The following KIAA0825 variants were observed in gnomAD, a reference collection of about 807,000 sequenced individuals.
KIAA0825 encodes the protein uncharacterized protein KIAA0825.
KIAA0825 carries 119 observed loss-of-function variants against 147.6 expected under a neutral mutation model. The observed-to-expected ratio is 0.81, with a 90% CI of 0.69 to 0.94. KIAA0825 has a LOEUF of 0.94. Among genes scored for constraint, KIAA0825 ranks in the 40% least tolerant of loss-of-function variants. The pLI is 0.00. For missense variants in KIAA0825, 1,381 were observed against 1,472.7 expected (o/e 0.94, Z 1.02); for synonymous variants, 470 against 518.1 (o/e 0.91, Z 1.26).
intron 20 of KIAA0825, among the ~76,000 whole-genome samples, chr5:94,288,373 A>T (rs940795449): frequency 6.6e-6 from 1 of 152,202 alleles, no homozygotes; most frequent in Non-Finnish European, 1.5e-5. Context: ...AAGGAAAAAA[A>T]ATTATAAAAA....
In KIAA0825 at chr5:94,473,411, G is replaced by GT. The variant is rs1377278396; in HGVS notation, c.1335dup (p.Gln446ThrfsTer5). 1 of 1,551,868 alleles carries GT rather than the reference G, an allele frequency of 6.4e-7. No individual in the cohort carries two copies. Among genetic ancestry groups the GT allele is most frequent in the Non-Finnish European group, 8.7e-7 (1 of 1,147,032 alleles). On this transcript the variant is annotated frameshift_variant, in exon 8 of 21. Transcript: ENST00000682413. LOFTEE classifies it high-confidence loss of function. ...GCTGAAGACCTTTCATTCTGTTCCT[G>GT]TTGGAGAATTTTTGTGGAAAAACCT...
At chr5:94,189,269 T>C (rs927642895) in intron 20 of KIAA0825, among the ~76,000 whole-genome samples, 1 of 152,200 alleles carries the variant, frequency 6.6e-6, no homozygotes, top group African/African-American at 2.4e-5. Context: ...TTAATCTTAA[T>C]GAGAGTCCAT....
intron 20 of KIAA0825, among the ~76,000 whole-genome samples, chr5:94,347,920 T>C (rs2150354113): frequency 6.6e-6 from 1 of 152,152 alleles, no homozygotes; most frequent in East Asian, 1.9e-4. Context: ...TGAGAAATAT[T>C]CAAGAAAATT....
intron 20 of KIAA0825, among the ~76,000 whole-genome samples, chr5:94,176,442 C>A (rs1012090322): frequency 2.0e-5 from 3 of 152,046 alleles, no homozygotes; most frequent in Non-Finnish European, 4.4e-5. Context: ...GTTGTAACAA[C>A]AGAAAACAGG....
chr5:94,185,481 T>C (rs1440560359), intron 20 of KIAA0825, among the ~76,000 whole-genome samples: 3 of 152,198 alleles, frequency 2.0e-5, no homozygotes, highest in Non-Finnish European at 4.4e-5. Context: ...TGTTTTTAGA[T>C]ACCCACTACA....
intron 5 of KIAA0825, among the ~76,000 whole-genome samples, chr5:94,496,999 C>T (rs944182426): frequency 3.9e-5 from 6 of 152,240 alleles, no homozygotes; most frequent in Non-Finnish European, 7.4e-5. Flanking sequence ...TTGAACGTGG[C>T]GCCTTCCCTA....
chr5:94,275,856 A>G (rs1001843617), intron 20 of KIAA0825, among the ~76,000 whole-genome samples: 3 of 152,128 alleles, frequency 2.0e-5, no homozygotes, highest in African/African-American at 7.2e-5. Context: ...AGCGTAAAAC[A>G]AAGTGCAGCT....
At chr5:94,354,767 A>C (rs1166222160) in intron 20 of KIAA0825, among the ~76,000 whole-genome samples, 48 of 152,240 alleles carry the variant, frequency 3.2e-4, no homozygotes, top group Admixed American at 3.1e-3. Flanking sequence ...TTAGAGCTTC[A>C]TAATCAAACT....
chr5:94,423,515 G>C (rs2150744819), intron 14 of KIAA0825, among the ~76,000 whole-genome samples: 1 of 152,250 alleles, frequency 6.6e-6, no homozygotes, highest in South Asian at 2.1e-4. Context: ...TGGTACTAAA[G>C]ATTTACACAT....
intron 5 of KIAA0825, among the ~76,000 whole-genome samples, chr5:94,502,446 G>A (rs570922163): frequency 6.6e-6 from 1 of 152,186 alleles, no homozygotes; most frequent in East Asian, 1.9e-4. Context: ...AGTGAAAAAT[G>A]CACATTACAT....
chr5:94,589,635 C>T (rs924768005), intron 1 of KIAA0825, among the ~76,000 whole-genome samples: 2 of 151,956 alleles, frequency 1.3e-5, no homozygotes, highest in South Asian at 4.1e-4. Flanking sequence ...GTATTTATTT[C>T]TAGGCACTCC....
At chr5:94,194,267 A>G (rs907648983) in intron 20 of KIAA0825, among the ~76,000 whole-genome samples, 2 of 151,848 alleles carry the variant, frequency 1.3e-5, no homozygotes, top group Non-Finnish European at 2.9e-5. Context: ...TTTTCTTCTC[A>G]TGTCCTGACC....
chr5:94,202,464 G>A (rs34854140), intron 20 of KIAA0825, among the ~76,000 whole-genome samples: 16,376 of 152,224 alleles, frequency 0.11, 979 homozygotes, highest in Middle Eastern at 0.14. Context: ...GGTGTGGCTA[G>A]GGTGGTGATC....
At chr5:94,452,063 C>G (rs1034126256) in intron 13 of KIAA0825, among the ~76,000 whole-genome samples, 1 of 152,160 alleles carries the variant, frequency 6.6e-6, no homozygotes, top group African/African-American at 2.4e-5. Context: ...AAGTAATTAA[C>G]TAGAAATGTA....
At chr5:94,447,095 C>T (rs923301255) in intron 13 of KIAA0825, among the ~76,000 whole-genome samples, 14 of 152,050 alleles carry the variant, frequency 9.2e-5, no homozygotes, top group Admixed American at 8.5e-4. Context: ...AAGATATGTT[C>T]GGAGGGGAAT....
chr5:94,227,314 G>A (rs1373709296), intron 20 of KIAA0825, among the ~76,000 whole-genome samples: 3 of 151,604 alleles, frequency 2.0e-5, no homozygotes, highest in African/African-American at 4.8e-5. Context: ...ACCAAACACC[G>A]CATATTCTCA....
At chr5:94,416,350 A>G (rs1240601644) in intron 15 of KIAA0825, 1 of 152,202 alleles carries the variant, frequency 6.6e-6, no homozygotes, top group Non-Finnish European at 1.5e-5. Context: ...GAGTGAAACC[A>G]TGATTATGAA....
chr5:94,320,611 G>T (rs1318503291), intron 20 of KIAA0825, among the ~76,000 whole-genome samples: 1 of 151,740 alleles, frequency 6.6e-6, no homozygotes, highest in Non-Finnish European at 1.5e-5. Context: ...GCTCTCCATA[G>T]AATGTAAACT....
chr5:94,452,899 C>A, intron 13 of KIAA0825, 60 bp downstream of exon 13: 2 of 915,358 alleles, frequency 2.2e-6, no homozygotes, highest in South Asian at 2.2e-5. Context: ...ATAAAAATTT[C>A]TATTAAATTT....
Sources: gnomAD v4.1 joint callset for allele counts (sites outside exome capture counted in the v4.1 genomes callset) on GRCh38, gnomAD v4.1.1 for gene constraint, MANE v1.5 for transcripts, NCBI Gene and HGNC (gene_info 2026-07-23, HGNC 2026-07-21) for gene names.